CAMKV: variants seen among roughly 807,000 people sequenced by gnomAD.
CAMKV encodes CaM kinase like vesicle associated.
In CAMKV, 5 loss-of-function variants were observed where a neutral mutation model predicts 50.2. The observed-to-expected ratio is 0.10, with a 90% confidence interval of 0.05 to 0.21. The LOEUF is 0.21. Ranked by LOEUF, CAMKV falls within the 10% of genes least tolerant of loss-of-function variation. The pLI is 1.00. For synonymous variants in CAMKV, 229 were observed against 250.1 expected (o/e 0.92, Z 0.80); for missense variants, 361 against 650.5 (o/e 0.55, Z 4.84).
Position 49,862,021 on chromosome 3 carries a change from C to T in CAMKV, c.227+24G>A. 6.2e-7 allele frequency: 1 copy of T among 1,614,072 alleles called. No homozygotes were observed. Among genetic ancestry groups the T allele is most frequent in the Non-Finnish European group, 8.5e-7 (1 of 1,179,978 alleles). On this transcript the variant is annotated intron_variant, in intron 3 of 10. Transcript: ENST00000477224. The surrounding 1 kb of genome is among the most constrained non-coding windows in gnomAD (Gnocchi z 5.2). ...CCTTCCCTGCTGCCTCCCACCCCGCCCCAATCCCAGGCCTCAAACTCACAT... is the reference window on the plus strand; with the variant it reads ...CCTTCCCTGCTGCCTCCCACCCCGCTCCAATCCCAGGCCTCAAACTCACAT...
chr3:49,867,519 C>T (rs1235518862), intron 1 of CAMKV, among the ~76,000 whole-genome samples: 1 of 152,134 alleles, frequency 6.6e-6, no homozygotes, highest in Non-Finnish European at 1.5e-5. Context: ...GGAGAATCCA[C>T]TGGAGGCTCT....
In CAMKV at chr3:49,869,349, A is replaced by T. The variant is rs2082088875; in HGVS notation, c.-15+409T>A. On this transcript the variant is annotated intron_variant, in intron 1 of 10. Transcript: ENST00000477224. This position sits in a 1 kb window ranked among gnomAD's most constrained non-coding sequence, Gnocchi z 5.2. ...CCCCTCCGGGTTGTCGCCCATAAAG[A>T]ACTCTCCGTTGTCATGGAAATTAGT... Among the ~76,000 whole-genome samples, 1 of 152,034 alleles carries T rather than the reference A, an allele frequency of 6.6e-6. No homozygotes were observed. The highest frequency in any genetic ancestry group is 1.5e-5 in the Non-Finnish European group (1 of 67,996).
chr3:49,861,804 T>G lies in CAMKV; in HGVS notation c.289A>C (p.Ile97Leu). Residue 97 changes from isoleucine to leucine, a missense_variant, in exon 4 of 11, where the codon ATC (isoleucine) becomes CTC (leucine). This residue lies in a region of CAMKV where 172 missense variants were observed against 414.3 expected (regional missense o/e 0.42). Coordinates refer to ENST00000477224, the MANE Select transcript of CAMKV (RefSeq NM_024046.5). This position sits in a 1 kb window ranked among gnomAD's most constrained non-coding sequence, Gnocchi z 7.7. The stretch of plus-strand genomic sequence containing the variant: ...ACCCACACTCACAGCTCCAGGAAGA[T>G]AAAGTACTCCTTGCGGGTCACAAAC... Reference protein sequence around the residue: ...DVFVTRKEYFIFLELATGREV... With the variant: ...DVFVTRKEYFLFLELATGREV... 1 of 1,613,850 alleles carries G rather than the reference T, an allele frequency of 6.2e-7. No individual in the cohort carries two copies. Among genetic ancestry groups the G allele is most frequent in the African/African-American group, 1.3e-5 (1 of 75,056 alleles).
Position 49,861,172 on chromosome 3 carries a change from C to A in CAMKV, c.562+8G>T. On this transcript the variant is annotated splice_region_variant and intron_variant, in intron 6 of 10. Transcript: ENST00000477224. The surrounding 1 kb of genome is among the most constrained non-coding windows in gnomAD (Gnocchi z 7.7). ...TATCCCCCTGCCCCTGCCCCACCCC[C>A]TGCTTGCCCAGATACTCGGGGGTCC... is the stretch of plus-strand genomic sequence containing the variant. 6.2e-7 allele frequency: 1 copy of A among 1,611,800 alleles called. No individual in the cohort carries two copies. The highest frequency in any genetic ancestry group is 1.1e-5 in the South Asian group (1 of 90,770).
At position 49,860,677 on chromosome 3, in the gene CAMKV, C is replaced by T. The variant is rs777927846; in HGVS notation, c.775+39G>A. On this transcript the variant is annotated intron_variant, in intron 8 of 10. Transcript: ENST00000477224. The surrounding 1 kb of genome is among the most constrained non-coding windows in gnomAD (Gnocchi z 6.1). ...TGAGAGCAGGACACCCTCCCCACTCCCTTGCGTTCTACCAAGTGCTGGGCA... is the reference window on the plus strand; with the variant it reads ...TGAGAGCAGGACACCCTCCCCACTCTCTTGCGTTCTACCAAGTGCTGGGCA... The T allele has an allele frequency of 6.2e-7, 1 of 1,613,414 alleles. No homozygotes were observed. Among genetic ancestry groups the T allele is most frequent in the African/African-American group, 1.3e-5 (1 of 75,024 alleles).
chr3:49,860,339 A>G lies in CAMKV; in HGVS notation c.855-81T>C, dbSNP rs2082010450. 2 of 1,532,744 alleles carry G rather than the reference A, an allele frequency of 1.3e-6. No homozygotes were observed. Among genetic ancestry groups the G allele is most frequent in the African/African-American group, 1.4e-5 (1 of 73,366 alleles). The allele number at this position is 1,532,744 out of a possible 1,614,324, so 94.9% of individuals were successfully genotyped here. A position where few individuals can be genotyped will look rare whatever the true frequency, so the allele number is the denominator to read the frequency against. On this transcript the variant is annotated intron_variant, in intron 9 of 10. Transcript: ENST00000477224. This position sits in a 1 kb window ranked among gnomAD's most constrained non-coding sequence, Gnocchi z 6.1. ...TGCTCAGCCCTTCTATGTGGCATCCAGGGACTACCAGGCAGAGCCTCTGGG... is the reference window on the plus strand; with the variant it reads ...TGCTCAGCCCTTCTATGTGGCATCCGGGGACTACCAGGCAGAGCCTCTGGG...
chr3:49,859,317 C>T lies in CAMKV; in HGVS notation c.*1G>A. The T allele has an allele frequency of 2.6e-6, 4 of 1,522,240 alleles. No individual in the cohort carries two copies. Among genetic ancestry groups the T allele is most frequent in the Non-Finnish European group, 3.5e-6 (4 of 1,137,344 alleles). 94.3% of individuals were successfully genotyped at this position (1,522,240 alleles called of 1,614,324 possible). ...CTGCCCCCCCTCACCAGGCTGCCTA[C>T]TCAGCTGGCCTCCTCCCTTTGAGAC... On this transcript the variant is annotated 3_prime_UTR_variant, in exon 11 of 11. Transcript: ENST00000477224. This position sits in a 1 kb window ranked among gnomAD's most constrained non-coding sequence, Gnocchi z 5.5.
chr3:49,858,152 G>A lies in CAMKV; in HGVS notation c.*1166C>T, dbSNP rs2081992100. On this transcript the variant is annotated 3_prime_UTR_variant, in exon 11 of 11. Coordinates refer to ENST00000477224, the MANE Select transcript of CAMKV (RefSeq NM_024046.5). ...CAATGTGGCTGCCTATCCAGGCTGT[G>A]GTAGGGTCTGACAAAGGGCACCTGT... The A allele has an allele frequency of 5.0e-6, 2 of 397,268 alleles. No individual in the cohort carries two copies. Among genetic ancestry groups the A allele is most frequent in the African/African-American group, 4.1e-5 (2 of 48,608 alleles). The allele number at this position is 397,268 out of a possible 1,614,324, so 24.6% of individuals were successfully genotyped here.
At chr3:49,868,138 T>A (rs989078758) in intron 1 of CAMKV, among the ~76,000 whole-genome samples, 15 of 152,048 alleles carry the variant, frequency 9.9e-5, no homozygotes, top group South Asian at 2.1e-4. Flanking sequence ...CACGGCAGCT[T>A]AGGTAAAGCA....
chr3:49,867,790 C>T (rs926326801), intron 1 of CAMKV, among the ~76,000 whole-genome samples: 2 of 151,976 alleles, frequency 1.3e-5, no homozygotes, highest in African/African-American at 4.8e-5. Context: ...AAAGACAGAA[C>T]CTGTGATGGA....
intron 1 of CAMKV, among the ~76,000 whole-genome samples, chr3:49,866,099 A>ACTCCTCCTC (rs59752228): frequency 2.0e-5 from 3 of 150,506 alleles, no homozygotes; most frequent in African/African-American, 7.3e-5. Context: ...TCAGCCAGTC[A>ACTCCTCCTC]CTCCTCCTCC....
In CAMKV at chr3:49,859,344, C is replaced by G. The variant is rs1371556597; in HGVS notation, c.1480G>C (p.Glu494Gln). ...KGEEAAGYAQESQREEAS is the reference protein window; with the variant it reads ...KGEEAAGYAQQSQREEAS ...CAGCTGGCCTCCTCCCTTTGAGACT[C>G]CTGGGCATAACCAGCAGCCTCTTCC... Residue 494 changes from glutamate to glutamine, a missense_variant, in exon 11 of 11, where the codon GAG becomes CAG. By Grantham distance (29) the Glu-to-Gln change is conservative (BLOSUM62 2). Transcript: ENST00000477224. This position sits in a 1 kb window ranked among gnomAD's most constrained non-coding sequence, Gnocchi z 5.5. The G allele has an allele frequency of 6.5e-7, 1 of 1,541,792 alleles. No individual in the cohort carries two copies. The highest frequency in any genetic ancestry group is 1.4e-5 in the African/African-American group (1 of 73,092).
At chr3:49,863,384 T>A (rs918187860) in intron 1 of CAMKV, 1 of 152,302 alleles carries the variant, frequency 6.6e-6, no homozygotes, top group Non-Finnish European at 1.5e-5. Flanking sequence ...TAGAGACAAG[T>A]CTCACTATGT....
rs2082023016 is a variant in CAMKV at position 49,861,710 on chromosome 3, G to A, written c.302+81C>T. The A allele has an allele frequency of 2.5e-6, 4 of 1,596,196 alleles. No individual in the cohort carries two copies. Among genetic ancestry groups the A allele is most frequent in the Non-Finnish European group, 3.4e-6 (4 of 1,165,682 alleles). On this transcript the variant is annotated intron_variant, in intron 4 of 10. Transcript: ENST00000477224. The surrounding 1 kb of genome is among the most constrained non-coding windows in gnomAD (Gnocchi z 7.7). The stretch of plus-strand genomic sequence containing the variant: ...CCTGGGACGCCAAGGGTCCAGAAAG[G>A]GGGTTTCCTTAGCTGCAGAGGGTGG...
In CAMKV at chr3:49,860,161, C is replaced by A; in HGVS notation, c.942+10G>T. 1 of 1,612,124 alleles carries A rather than the reference C, an allele frequency of 6.2e-7. No homozygotes were observed. Among genetic ancestry groups the A allele is most frequent in the South Asian group, 1.1e-5 (1 of 91,026 alleles). ...GGATAGAGCCAAGAAGGGAGTTATC[C>A]AAGCCTTACCTTCCACTTGGCCCTG... On this transcript the variant is annotated intron_variant, in intron 10 of 10. Transcript: ENST00000477224. The surrounding 1 kb of genome is among the most constrained non-coding windows in gnomAD (Gnocchi z 6.1).
rs142781986 is a variant in CAMKV, at chr3:49,859,262, C to T, written c.*56G>A. 482 of 1,424,556 alleles carry T rather than the reference C, an allele frequency of 3.4e-4. 3 individuals carry two copies. The East Asian group carries it at 0.01, about 30-fold the overall frequency. 88.2% of individuals were successfully genotyped at this position (1,424,556 alleles called of 1,614,324 possible). On this transcript the variant is annotated 3_prime_UTR_variant, in exon 11 of 11. Coordinates refer to ENST00000477224, the MANE Select transcript of CAMKV (RefSeq NM_024046.5). The surrounding 1 kb of genome is among the most constrained non-coding windows in gnomAD (Gnocchi z 5.5). ...ACTCTATGTACAGTGAGAAGCCCCTCATCCACTCTCCCACCCTCCTGCCCA... is the reference window on the plus strand; with the variant it reads ...ACTCTATGTACAGTGAGAAGCCCCTTATCCACTCTCCCACCCTCCTGCCCA...
Position 49,859,497 on chromosome 3 carries a change from C to T in CAMKV, c.1327G>A (p.Val443Met), listed in dbSNP as rs767544686. The change falls in exon 11 of 11, where the codon GTG becomes ATG. Residue 443 changes from valine to methionine, a missense_variant. Coordinates refer to ENST00000477224, the MANE Select transcript of CAMKV (RefSeq NM_024046.5). This position sits in a 1 kb window ranked among gnomAD's most constrained non-coding sequence, Gnocchi z 5.5. Reference protein sequence around the residue: ...RATPATEESTVPTTQSSAMLA... With the variant: ...RATPATEESTMPTTQSSAMLA... ...ATGGCACTGCTTTGGGTGGTGGGCA[C>T]AGTGCTCTCTTCTGTGGCTGGTGTG... 2 of 1,614,160 alleles carry T rather than the reference C, an allele frequency of 1.2e-6. No individual in the cohort carries two copies. Among genetic ancestry groups the T allele is most frequent in the South Asian group, 2.2e-5 (2 of 91,084 alleles).
At chr3:49,865,816 C>T (rs1184514540) in intron 1 of CAMKV, among the ~76,000 whole-genome samples, 1 of 152,234 alleles carries the variant, frequency 6.6e-6, no homozygotes, top group African/African-American at 2.4e-5. Context: ...TGCCCCACCC[C>T]CCACCCCACT....
chr3:49,862,491 C>T lies in CAMKV; in HGVS notation c.-14-89G>A, dbSNP rs2082030236. ...GCTTTTGGGAGACCCCAACCTGGCT[C>T]AGGCCAAGCTAGGGGCAGAGACCAT... On this transcript the variant is annotated intron_variant, in intron 1 of 10. Coordinates refer to ENST00000477224, the MANE Select transcript of CAMKV (RefSeq NM_024046.5). This position sits in a 1 kb window ranked among gnomAD's most constrained non-coding sequence, Gnocchi z 5.2. The T allele has an allele frequency of 5.3e-6, 6 of 1,141,368 alleles. No homozygotes were observed. Among genetic ancestry groups the T allele is most frequent in the Non-Finnish European group, 7.9e-6 (6 of 757,262 alleles). 70.7% of individuals were successfully genotyped at this position (1,141,368 alleles called of 1,614,324 possible). A position where few individuals can be genotyped will look rare whatever the true frequency, so the allele number is the denominator to read the frequency against.
Sources: gnomAD v4.1 joint callset for allele counts (sites outside exome capture counted in the v4.1 genomes callset) on GRCh38, gnomAD v4.1.1 for gene constraint, gnomAD v4.1.1 regional missense constraint, Gnocchi (gnomAD v3.1) non-coding constraint, MANE v1.5 for transcripts, NCBI Gene and HGNC (gene_info 2026-07-23, HGNC 2026-07-21) for gene names.